TSHR: variants seen among roughly 807,000 people sequenced by gnomAD.
TSHR encodes the protein thyrotropin receptor.
Under a neutral mutation model 64.1 loss-of-function variants are expected in TSHR, and 51 were observed. The ratio of observed to expected loss-of-function variants is 0.80; its 90% CI spans 0.64 to 1.01. The LOEUF is 1.01. Among genes scored for constraint, TSHR ranks in the 50% least tolerant of loss-of-function variants. The pLI is 0.00. For synonymous variants in TSHR, 361 were observed against 361.9 expected (o/e 1.00, Z 0.03); for missense variants, 877 against 942.8 (o/e 0.93, Z 0.91).
chr14:80,978,127 A>ATG (rs1887982234), intron 1 of TSHR, among the ~76,000 whole-genome samples: 2 of 138,956 alleles, frequency 1.4e-5, no homozygotes, highest in Admixed American at 1.5e-4. Flanking sequence ...ACACACACAC[A>ATG]CACATGCATG....
chr14:80,963,291 C>T (rs1887130307), intron 1 of TSHR, among the ~76,000 whole-genome samples: 2 of 152,140 alleles, frequency 1.3e-5, no homozygotes, highest in Admixed American at 6.5e-5. Context: ...AAAAATTGAT[C>T]TTCATCCCCT....
At chr14:81,092,790 A>C (rs1455930809) in intron 6 of TSHR, among the ~76,000 whole-genome samples, 182 bp downstream of exon 6, 1 of 152,238 alleles carries the variant, frequency 6.6e-6, no homozygotes, top group African/African-American at 2.4e-5. Flanking sequence ...ACTACAAAAC[A>C]GTTTAGGTAA....
At chr14:81,071,336 T>A (rs1887052094) in intron 3 of TSHR, among the ~76,000 whole-genome samples, 1 of 152,208 alleles carries the variant, frequency 6.6e-6, no homozygotes, top group Non-Finnish European at 1.5e-5. Context: ...TTATATAAGT[T>A]ACAATAGAAT....
At chr14:80,970,084 G>A (rs900559801) in intron 1 of TSHR, among the ~76,000 whole-genome samples, 3 of 152,204 alleles carry the variant, frequency 2.0e-5, no homozygotes, top group Middle Eastern at 3.2e-3. Flanking sequence ...TGCAGCAGTA[G>A]TTCATTTTTT....
chr14:81,064,647 A>G (rs1222992494), intron 2 of TSHR, among the ~76,000 whole-genome samples: 1 of 152,164 alleles, frequency 6.6e-6, no homozygotes, highest in Non-Finnish European at 1.5e-5. Flanking sequence ...AAATAAGTAA[A>G]TTAGATACTA....
At chr14:81,107,273 A>G (rs1889956274) in intron 7 of TSHR, 1 of 152,320 alleles carries the variant, frequency 6.6e-6, no homozygotes, top group Admixed American at 6.5e-5. Flanking sequence ...CCCCGTAAGT[A>G]GAATAATGGA....
At chr14:81,034,151 A>G (rs949742422) in intron 1 of TSHR, among the ~76,000 whole-genome samples, 1 of 152,196 alleles carries the variant, frequency 6.6e-6, no homozygotes, top group African/African-American at 2.4e-5. Context: ...TATACTTTAT[A>G]CACAGTTACT....
intron 8 of TSHR, among the ~76,000 whole-genome samples, chr14:81,133,513 ATTAATCCTGTACTCTATT>A (rs1459158696): frequency 6.6e-6 from 1 of 152,232 alleles, no homozygotes; most frequent in Non-Finnish European, 1.5e-5. Context: ...ATCTGGAAGC[ATTAATCCTGTACTCTATT>A]TATGCAAAAT....
At chr14:80,988,234 A>G (rs2284726) in intron 1 of TSHR, among the ~76,000 whole-genome samples, 52,615 of 152,054 alleles carry the variant, frequency 0.35, 9,831 homozygotes, top group Non-Finnish European at 0.41. Context: ...AGACTGGGTA[A>G]TTGATAAAGA....
chr14:81,059,206 C>T (rs1054810555), intron 1 of TSHR, among the ~76,000 whole-genome samples: 5 of 152,058 alleles, frequency 3.3e-5, no homozygotes, highest in Non-Finnish European at 7.4e-5. Flanking sequence ...AGATGCCATG[C>T]CCTCACTAAT....
At chr14:81,097,527 A>G (rs10149739) in intron 7 of TSHR, among the ~76,000 whole-genome samples, 33,095 of 152,004 alleles carry the variant, frequency 0.22, 4,837 homozygotes, top group African/African-American at 0.41. Flanking sequence ...TCGGGATTCC[A>G]TATTTCTAAC....
chr14:81,083,739 T>C (rs776412941), intron 3 of TSHR, among the ~76,000 whole-genome samples: 1 of 152,236 alleles, frequency 6.6e-6, no homozygotes, highest in African/African-American at 2.4e-5. Context: ...GTATTCATGC[T>C]TCTGTGAAGA....
At chr14:81,051,869 AT>A (rs1159292902) in intron 1 of TSHR, 1 of 152,088 alleles carries the variant, frequency 6.6e-6, no homozygotes, top group East Asian at 1.9e-4. Flanking sequence ...TCATTTGCCC[AT>A]TTTTAATACG....
At chr14:81,077,924 G>A (rs60257194) in intron 3 of TSHR, among the ~76,000 whole-genome samples, 9,681 of 151,948 alleles carry the variant, frequency 0.064, 1,013 homozygotes, top group African/African-American at 0.22. Context: ...ATAATATTAT[G>A]TTACTCCACA....
intron 1 of TSHR, among the ~76,000 whole-genome samples, chr14:81,018,481 A>G (rs1270706894): frequency 6.6e-6 from 1 of 152,224 alleles, no homozygotes; most frequent in Non-Finnish European, 1.5e-5. Context: ...ACAGTTTTAG[A>G]GTTAAATTGT....
At chr14:81,038,205 G>T (rs1328195285) in intron 1 of TSHR, among the ~76,000 whole-genome samples, 1 of 151,858 alleles carries the variant, frequency 6.6e-6, no homozygotes, top group Non-Finnish European at 1.5e-5. Flanking sequence ...CAAATACATG[G>T]AAATTAAACA....
chr14:80,992,907 G>A (rs1215560383), intron 1 of TSHR: 1 of 152,140 alleles, frequency 6.6e-6, no homozygotes, highest in African/African-American at 2.4e-5. Flanking sequence ...CATGGGAAAT[G>A]ATGGGAACCA....
intron 1 of TSHR, chr14:81,053,450 A>G (rs762096427): frequency 7.2e-5 from 11 of 152,232 alleles, no homozygotes; most frequent in Non-Finnish European, 1.5e-4. Flanking sequence ...ACAAATAGAC[A>G]TTTTTAACTT....
At chr14:81,023,930 A>C (rs1883906940) in intron 1 of TSHR, among the ~76,000 whole-genome samples, 1 of 152,102 alleles carries the variant, frequency 6.6e-6, no homozygotes, top group Non-Finnish European at 1.5e-5. Context: ...CTTTATTTGC[A>C]TTAAAAACCT....
Sources: allele counts gnomAD v4.1 joint callset (sites outside exome capture counted in the v4.1 genomes callset), GRCh38; gene constraint gnomAD v4.1.1; transcripts MANE v1.5; gene names NCBI Gene and HGNC (gene_info 2026-07-23, HGNC 2026-07-21).